Variants in CTNNA2 observed in about 807,000 individuals in gnomAD.
CTNNA2 encodes the protein catenin alpha-2.
A neutral mutation model predicts 101.0 loss-of-function variants in CTNNA2; 42 were observed. The observed-to-expected ratio is 0.42, with a 90% confidence interval of 0.32 to 0.54. CTNNA2 has a LOEUF of 0.54. Among genes scored for constraint, CTNNA2 ranks in the 20% least tolerant of loss-of-function variants. The probability of loss-of-function intolerance (pLI) is 0.14; values close to 1 mark genes in which losing one functional copy is unlikely to be tolerated. For synonymous variants in CTNNA2, 450 were observed against 456.4 expected (o/e 0.99, Z 0.18); for missense variants, 871 against 1,223.1 (o/e 0.71, Z 4.29).
At chr2:80,084,468 A>G (rs1392655799) in intron 7 of CTNNA2, among the ~76,000 whole-genome samples, 1 of 152,050 alleles carries the variant, frequency 6.6e-6, no homozygotes, top group Non-Finnish European at 1.5e-5. Flanking sequence ...AGGATGTCCA[A>G]CCCATTGCCC....
chr2:79,787,674 C>A (rs1465748151), intron 3 of CTNNA2, among the ~76,000 whole-genome samples: 1 of 151,996 alleles, frequency 6.6e-6, no homozygotes, highest in Non-Finnish European at 1.5e-5. Context: ...TATTTCCTTG[C>A]CTTTTCCAAC....
chr2:79,280,988 G>C (rs1167794084), intron 2 of CTNNA2, among the ~76,000 whole-genome samples: 1 of 152,008 alleles, frequency 6.6e-6, no homozygotes, highest in Admixed American at 6.6e-5. Flanking sequence ...GCTATATTCA[G>C]CATAACTTTT....
chr2:80,044,133 A>G (rs558860204), intron 7 of CTNNA2, among the ~76,000 whole-genome samples: 4 of 152,314 alleles, frequency 2.6e-5, no homozygotes, highest in Admixed American at 2.6e-4. Flanking sequence ...GATATTTATT[A>G]TTGGTAATTT....
At chr2:79,857,895 AC>A in intron 3 of CTNNA2, 117 bp from the exon 4 acceptor site, 1 of 1,079,328 alleles carries the variant, frequency 9.3e-7, no homozygotes, top group Non-Finnish European at 1.4e-6. Flanking sequence ...TGGCAGAAAT[AC>A]CACCTGGTCA....
At chr2:80,104,581 G>T (rs1340091232) in intron 7 of CTNNA2, among the ~76,000 whole-genome samples, 2 of 152,142 alleles carry the variant, frequency 1.3e-5, no homozygotes, top group Non-Finnish European at 2.9e-5. Context: ...CTTTGTTCTG[G>T]GTCATTTACC....
intron 16 of CTNNA2, among the ~76,000 whole-genome samples, chr2:80,607,334 A>C (rs1403152520): frequency 6.6e-6 from 1 of 151,926 alleles, no homozygotes; most frequent in East Asian, 1.9e-4. Flanking sequence ...CAAAAGAAAT[A>C]TGTAGGCATC....
At chr2:80,563,252 C>T (rs1693766124) in intron 12 of CTNNA2, among the ~76,000 whole-genome samples, 1 of 152,124 alleles carries the variant, frequency 6.6e-6, no homozygotes, top group Non-Finnish European at 1.5e-5. Flanking sequence ...GGTCTGGATG[C>T]TTTAATTGTG....
intron 2 of CTNNA2, among the ~76,000 whole-genome samples, chr2:79,725,366 T>C (rs916665323): frequency 1.3e-5 from 2 of 152,324 alleles, no homozygotes; most frequent in East Asian, 3.9e-4. Context: ...CTCTTTGACA[T>C]AGGTTAATAC....
chr2:79,699,659 C>G (rs1326557891), intron 2 of CTNNA2, among the ~76,000 whole-genome samples: 4 of 151,080 alleles, frequency 2.6e-5, no homozygotes. Flanking sequence ...TTAGACATCC[C>G]AACAGTACCT....
At chr2:79,524,214 A>G (rs1672273733) in intron 1 of CTNNA2, among the ~76,000 whole-genome samples, 1 of 151,966 alleles carries the variant, frequency 6.6e-6, no homozygotes, top group Non-Finnish European at 1.5e-5. Context: ...TTCCATTGGC[A>G]GGTCTCTTTA....
chr2:80,502,905 G>T (rs1216268341), intron 9 of CTNNA2, among the ~76,000 whole-genome samples: 3 of 152,168 alleles, frequency 2.0e-5, no homozygotes, highest in Non-Finnish European at 2.9e-5. Context: ...GGAGGCTTAT[G>T]CCTGTAATCC....
chr2:79,799,765 A>G (rs934399291), intron 3 of CTNNA2, among the ~76,000 whole-genome samples: 1 of 152,166 alleles, frequency 6.6e-6, no homozygotes, highest in Non-Finnish European at 1.5e-5. Context: ...CATTCTTTAA[A>G]CTATATTTAA....
intron 3 of CTNNA2, among the ~76,000 whole-genome samples, chr2:79,836,852 C>T (rs1209453927): frequency 1.3e-4 from 20 of 152,116 alleles, no homozygotes; most frequent in Admixed American, 1.3e-3. Flanking sequence ...TTACTGCAGC[C>T]TCAACCTTCT....
At chr2:79,939,895 C>T (rs1688035891) in intron 7 of CTNNA2, among the ~76,000 whole-genome samples, 1 of 152,040 alleles carries the variant, frequency 6.6e-6, no homozygotes, top group Admixed American at 6.6e-5. Context: ...GAGTTCGAGA[C>T]CAGCCTGACC....
intron 12 of CTNNA2, among the ~76,000 whole-genome samples, chr2:80,569,219 A>G (rs1372952131): frequency 6.6e-6 from 1 of 152,154 alleles, no homozygotes; most frequent in Non-Finnish European, 1.5e-5. Flanking sequence ...TAGGATCTCG[A>G]TCAACACTAG....
At chr2:80,612,475 TC>T (rs1388617477) in intron 17 of CTNNA2, among the ~76,000 whole-genome samples, 1 of 151,548 alleles carries the variant, frequency 6.6e-6, no homozygotes, top group Non-Finnish European at 1.5e-5. Context: ...TCTTATACCC[TC>T]AATAAACCTT....
intron 9 of CTNNA2, among the ~76,000 whole-genome samples, chr2:80,532,719 C>T (rs1690649976): frequency 6.6e-6 from 1 of 152,146 alleles, no homozygotes. Context: ...TTAGAAGGAA[C>T]TACTGTTTGG....
chr2:79,332,446 G>A (rs540182703), intron 3 of CTNNA2, among the ~76,000 whole-genome samples: 1 of 152,102 alleles, frequency 6.6e-6, no homozygotes, highest in Non-Finnish European at 1.5e-5. Context: ...ATATAAGAAT[G>A]GCATGAAAGG....
At position 79,616,418 on chromosome 2, in the gene CTNNA2, A is replaced by C. The variant is rs568806476; in HGVS notation, c.-5-35134A>C. 1.5e-4 allele frequency among the ~76,000 whole-genome samples: 23 copies of C among 152,356 alleles called. No homozygotes were observed. In the South Asian group the frequency reaches 4.6e-3, roughly 30 times the overall value. ...TGCTAACAGTCACTATTTACGGTAG[A>C]GAAATTTAAAGAATGTTAGTCTTGT... On this transcript the variant is annotated intron_variant, in intron 1 of 18. Transcript: ENST00000402739.
Sources: allele counts gnomAD v4.1 joint callset (sites outside exome capture counted in the v4.1 genomes callset), GRCh38; gene constraint gnomAD v4.1.1; transcripts MANE v1.5; gene names NCBI Gene and HGNC (gene_info 2026-07-23, HGNC 2026-07-21).